BNC2: variants seen among roughly 807,000 people sequenced by gnomAD.
BNC2 encodes basonuclin zinc finger protein 2.
BNC2 carries 20 observed loss-of-function variants against 76.3 expected under a neutral mutation model. The ratio of observed to expected loss-of-function variants is 0.26; its 90% confidence interval spans 0.18 to 0.38. The LOEUF (loss-of-function observed/expected upper bound fraction) is 0.38. Ranked by LOEUF, BNC2 falls within the 10% of genes least tolerant of loss-of-function variation. BNC2 has a pLI of 1.00. For synonymous variants in BNC2, 582 were observed against 514.8 expected (o/e 1.13, Z -1.77); for missense variants, 1,382 against 1,399.8 (o/e 0.99, Z 0.20).
intron 5 of BNC2, among the ~76,000 whole-genome samples, chr9:16,486,178 CA>C (rs1353713481): frequency 1.3e-5 from 2 of 152,202 alleles, no homozygotes; most frequent in African/African-American, 4.8e-5. Context: ...AGAGTCAAAA[CA>C]ACCTGCCATA....
intron 1 of BNC2, among the ~76,000 whole-genome samples, chr9:16,836,568 T>C (rs866653907): frequency 1.3e-5 from 2 of 151,660 alleles, no homozygotes; most frequent in African/African-American, 2.4e-5. Flanking sequence ...ATATTTAATG[T>C]CTCCTTGATT....
rs139449889 is a variant in BNC2 at position 16,530,243 on chromosome 9, C to A, written c.669+22287G>T. 2.4e-4 allele frequency among the ~76,000 whole-genome samples: 37 copies of A among 152,180 alleles called. No homozygotes were observed. In the East Asian group the frequency reaches 6.6e-3, roughly 27 times the overall value. On this transcript the variant is annotated intron_variant, in intron 5 of 6. Transcript: ENST00000380672. ...ACTACTGAAGCGGCATTACTGTTCA[C>A]CCTGCCCTTTACGAAATTCCTCTCT...
intron 1 of BNC2, chr9:16,867,372 T>C (rs1321106068): frequency 6.6e-6 from 1 of 152,176 alleles, no homozygotes; most frequent in African/African-American, 2.4e-5. Flanking sequence ...CAATTTAGTA[T>C]TGGATATTTG....
chr9:16,572,216 A>G (rs1265671869), intron 4 of BNC2, among the ~76,000 whole-genome samples: 1 of 152,178 alleles, frequency 6.6e-6, no homozygotes, highest in East Asian at 1.9e-4. Context: ...AACAAATTTA[A>G]CTTCTCTAAA....
intron 3 of BNC2, among the ~76,000 whole-genome samples, chr9:16,600,887 A>T (rs886992369): frequency 2.0e-4 from 30 of 152,190 alleles, no homozygotes; most frequent in Admixed American, 6.5e-4. Context: ...CATCTGAAAT[A>T]ATAATGCACA....
chr9:16,868,049 G>A (rs1404289474), intron 1 of BNC2: 1 of 152,180 alleles, frequency 6.6e-6, no homozygotes, highest in African/African-American at 2.4e-5. Context: ...GCAGGGGACT[G>A]CGGCTGCAAC....
rs970298421 is a variant in BNC2, at chr9:16,412,821, C to T, written c.*6168G>A. The T allele has an allele frequency of 2.7e-5, 4 of 150,330 alleles. No individual in the cohort carries two copies. The highest frequency in any genetic ancestry group is 9.8e-5 in the African/African-American group (4 of 40,804). The allele number at this position is 150,330 out of a possible 1,614,324, so 9.3% of individuals were successfully genotyped here. A position where few individuals can be genotyped will look rare whatever the true frequency, so the allele number is the denominator to read the frequency against. ...AGGGAACTCGATGGGAAAGCCTAGC[C>T]CTTGTAGTCAATTTCTCCTTCACAA... On this transcript the variant is annotated 3_prime_UTR_variant, in exon 7 of 7. Transcript: ENST00000380672.
intron 3 of BNC2, among the ~76,000 whole-genome samples, chr9:16,726,068 G>C (rs1587355845): frequency 6.6e-6 from 1 of 151,908 alleles, no homozygotes; most frequent in East Asian, 1.9e-4. Context: ...AGTTTTAAAA[G>C]TGAAGCACAA....
At chr9:16,429,838 A>G (rs930462149) in intron 6 of BNC2, 9 of 454,744 alleles carry the variant, frequency 2.0e-5, no homozygotes, top group African/African-American at 1.6e-4. Flanking sequence ...CAGTTCTTGT[A>G]GTGGAGGAGT....
At chr9:16,646,813 G>T (rs146377100) in intron 3 of BNC2, among the ~76,000 whole-genome samples, 1 of 152,094 alleles carries the variant, frequency 6.6e-6, no homozygotes, top group Admixed American at 6.5e-5. Context: ...TGCAAAAATA[G>T]AAGAAAAGGT....
intron 3 of BNC2, among the ~76,000 whole-genome samples, chr9:16,634,557 A>AGTGGC (rs1271609145): frequency 6.9e-6 from 1 of 145,264 alleles, no homozygotes; most frequent in East Asian, 2.0e-4. Context: ...GCTGGAGTGC[A>AGTGGC]GTGGCGCAAT....
At chr9:16,641,467 T>C (rs979505520) in intron 3 of BNC2, among the ~76,000 whole-genome samples, 1 of 152,246 alleles carries the variant, frequency 6.6e-6, no homozygotes, top group Non-Finnish European at 1.5e-5. Context: ...CTATTATTAA[T>C]ATTACAAATA....
intron 1 of BNC2, among the ~76,000 whole-genome samples, chr9:16,742,617 T>C (rs950744181): frequency 2.6e-5 from 4 of 152,220 alleles, no homozygotes; most frequent in Non-Finnish European, 5.9e-5. Context: ...TGACCTGTCA[T>C]AGAGCTTTAT....
chr9:16,596,421 A>G (rs12350242), intron 3 of BNC2, among the ~76,000 whole-genome samples: 22,430 of 152,094 alleles, frequency 0.15, 3,052 homozygotes, highest in African/African-American at 0.36. Context: ...TCCCCTCCAG[A>G]TATCTACACA....
At chr9:16,443,021 T>C (rs1173706018) in intron 5 of BNC2, among the ~76,000 whole-genome samples, 5 of 133,268 alleles carry the variant, frequency 3.8e-5, no homozygotes, top group African/African-American at 1.5e-4. Flanking sequence ...GGCATGAGAA[T>C]CACTTGAACC....
At chr9:16,623,321 T>A (rs1462378627) in intron 3 of BNC2, among the ~76,000 whole-genome samples, 1 of 152,120 alleles carries the variant, frequency 6.6e-6, no homozygotes, top group Non-Finnish European at 1.5e-5. Context: ...TTATTTCCTG[T>A]CATGACGTGT....
At chr9:16,585,762 A>G (rs1312300103) in intron 3 of BNC2, among the ~76,000 whole-genome samples, 1 of 152,158 alleles carries the variant, frequency 6.6e-6, no homozygotes, top group Non-Finnish European at 1.5e-5. Context: ...ATGTACATGC[A>G]TTACAAGGAG....
chr9:16,641,852 T>C (rs1289977733), intron 3 of BNC2, among the ~76,000 whole-genome samples: 1 of 152,184 alleles, frequency 6.6e-6, no homozygotes, highest in Non-Finnish European at 1.5e-5. Context: ...GAGAATTCCC[T>C]TTTTTTGGAA....
chr9:16,456,307 C>A (rs1181736424), intron 5 of BNC2, among the ~76,000 whole-genome samples: 1 of 152,076 alleles, frequency 6.6e-6, no homozygotes, highest in Non-Finnish European at 1.5e-5. Flanking sequence ...TATAAATTCA[C>A]ATGTTCTATT....
Sources: gnomAD v4.1 joint callset for allele counts (sites outside exome capture counted in the v4.1 genomes callset) on GRCh38, gnomAD v4.1.1 for gene constraint, MANE v1.5 for transcripts, NCBI Gene and HGNC (gene_info 2026-07-23, HGNC 2026-07-21) for gene names.